Variants in AGAP1 observed in about 807,000 individuals in gnomAD.
The protein encoded by AGAP1 is arf-GAP with GTPase, ANK repeat and PH domain-containing protein 1.
AGAP1 carries 29 observed loss-of-function variants against 105.3 expected under a neutral mutation model. The observed-to-expected ratio is 0.28, with a 90% CI of 0.21 to 0.38. AGAP1 has a LOEUF of 0.38. Ranked by LOEUF, AGAP1 falls within the 10% of genes least tolerant of loss-of-function variation. The probability of loss-of-function intolerance (pLI) is 1.00; values close to 1 mark genes in which losing one functional copy is unlikely to be tolerated. For missense variants in AGAP1, 998 were observed against 1,165.1 expected (o/e 0.86, Z 2.09); for synonymous variants, 509 against 485.9 (o/e 1.05, Z -0.63).
At chr2:236,112,598 T>C (rs1169269868) in intron 16 of AGAP1, among the ~76,000 whole-genome samples, 1 of 152,314 alleles carries the variant, frequency 6.6e-6, no homozygotes, top group East Asian at 1.9e-4. Flanking sequence ...CAGCACCTGC[T>C]TTCTGTTCAC....
chr2:235,917,462 C>A (rs573314024), intron 11 of AGAP1, among the ~76,000 whole-genome samples: 2 of 152,272 alleles, frequency 1.3e-5, no homozygotes, highest in South Asian at 2.1e-4. Context: ...TCTCCTCTTT[C>A]TCTCTCGTCC....
intron 13 of AGAP1, among the ~76,000 whole-genome samples, chr2:236,024,744 A>G (rs1178983627): frequency 1.3e-5 from 2 of 152,222 alleles, no homozygotes; most frequent in Non-Finnish European, 2.9e-5. Flanking sequence ...AGGAGGCAAA[A>G]TTAGCCCCAT....
intron 8 of AGAP1, among the ~76,000 whole-genome samples, chr2:235,802,669 TGTG>T (rs1485620373): frequency 4.3e-4 from 55 of 128,014 alleles, no homozygotes; most frequent in African/African-American, 1.3e-3. Flanking sequence ...TGGTTGTGGT[TGTG>T]GTGATGATGG....
In AGAP1 at chr2:235,733,371, G is replaced by C. The variant is rs1952060339; in HGVS notation, c.311-7592G>C. Among the ~76,000 whole-genome samples, 1 of 152,196 alleles carries C rather than the reference G, an allele frequency of 6.6e-6. No homozygotes were observed. The highest frequency in any genetic ancestry group is 2.4e-5 in the African/African-American group (1 of 41,454). ...GCGCACTTTGGGGTGAAGTGATGGG[G>C]TGTTGTTGGCTCAGGTTGTAGGAGA... On this transcript the variant is annotated intron_variant, in intron 3 of 17. Transcript: ENST00000304032. This position sits in a 1 kb window ranked among gnomAD's most constrained non-coding sequence, Gnocchi z 5.0.
chr2:236,064,123 A>G (rs2058282007), intron 16 of AGAP1, among the ~76,000 whole-genome samples: 1 of 152,214 alleles, frequency 6.6e-6, no homozygotes, highest in Non-Finnish European at 1.5e-5. Flanking sequence ...CAGACAGGAA[A>G]AGTGACTTGC....
At chr2:236,098,782 A>T (rs1038920238) in intron 16 of AGAP1, among the ~76,000 whole-genome samples, 1 of 150,938 alleles carries the variant, frequency 6.6e-6, no homozygotes, top group Non-Finnish European at 1.5e-5. Flanking sequence ...GCACCACCAT[A>T]CCCAGCTAAT....
rs1269941791 is a variant in AGAP1, at chr2:235,957,417, G to A, written c.1484-11045G>A. Among the ~76,000 whole-genome samples, 5 of 151,828 alleles carry A rather than the reference G, an allele frequency of 3.3e-5. No homozygotes were observed. Among genetic ancestry groups the A allele is most frequent in the Non-Finnish European group, 5.9e-5 (4 of 67,980 alleles). On this transcript the variant is annotated intron_variant, in intron 12 of 17. Transcript: ENST00000304032. The surrounding 1 kb of genome is among the most constrained non-coding windows in gnomAD (Gnocchi z 4.6). ...TAACACTGTGTTGTCTTTTCCTTTCGCCAACACCTGTCATCTTCCTGGGCC... is the reference window on the plus strand; with the variant it reads ...TAACACTGTGTTGTCTTTTCCTTTCACCAACACCTGTCATCTTCCTGGGCC...
intron 1 of AGAP1, among the ~76,000 whole-genome samples, chr2:235,698,162 G>A (rs1950083331): frequency 6.6e-6 from 1 of 152,126 alleles, no homozygotes; most frequent in South Asian, 2.1e-4. Context: ...GGTTCACAGT[G>A]GAGCTTGCAC....
intron 1 of AGAP1, chr2:235,670,043 G>A (rs1948293478): frequency 5.4e-6 from 2 of 372,042 alleles, no homozygotes; most frequent in Non-Finnish European, 4.7e-6. Context: ...GCTTGGCCCG[G>A]CGCCCTCCCG....
intron 6 of AGAP1, among the ~76,000 whole-genome samples, chr2:235,770,890 T>A (rs1955391883): frequency 6.6e-6 from 1 of 152,204 alleles, no homozygotes; most frequent in South Asian, 2.1e-4. Context: ...TATTATATTT[T>A]GTGTCCAAAA....
rs149149224 is a variant in AGAP1 at position 236,054,322 on chromosome 2, G to T, written c.2114+5041G>T. Among the ~76,000 whole-genome samples, 102 of 152,214 alleles carry T rather than the reference G, an allele frequency of 6.7e-4. 1 individual carries two copies. Among genetic ancestry groups the T allele is most frequent in the African/African-American group, 2.4e-3 (98 of 41,528 alleles). Reference sequence around the variant, plus strand: ...GGGCTCAAATTTCTGGCATAAAGATGCACTGTTCCAAATGTGGCCTCAGGG... The same window carrying T: ...GGGCTCAAATTTCTGGCATAAAGATTCACTGTTCCAAATGTGGCCTCAGGG... On this transcript the variant is annotated intron_variant, in intron 16 of 17. Coordinates refer to ENST00000304032, the MANE Select transcript of AGAP1 (RefSeq NM_001037131.3).
At chr2:235,575,759 TTTTTC>T (rs1271964881) in intron 1 of AGAP1, among the ~76,000 whole-genome samples, 2 of 152,202 alleles carry the variant, frequency 1.3e-5, no homozygotes, top group African/African-American at 4.8e-5. Flanking sequence ...CTTTTCAGCT[TTTTTC>T]TTTTCAAGTA....
At chr2:235,657,742 A>G (rs575195654) in intron 1 of AGAP1, among the ~76,000 whole-genome samples, 20 of 152,314 alleles carry the variant, frequency 1.3e-4, no homozygotes, top group Admixed American at 3.3e-4. Context: ...TGTGCCTCCC[A>G]GAATGTGTGT....
chr2:235,936,510 G>A lies in AGAP1; in HGVS notation c.1483+5587G>A, dbSNP rs1156298761. On this transcript the variant is annotated intron_variant, in intron 12 of 17. Transcript: ENST00000304032. This position sits in a 1 kb window ranked among gnomAD's most constrained non-coding sequence, Gnocchi z 4.7. ...GGTTCGAAACATGAGTTTCAGCTTC[G>A]GAAGCTGTCTGTCCCACACTTACTT... Among the ~76,000 whole-genome samples the A allele has an allele frequency of 2.0e-5, 3 of 152,196 alleles. No homozygotes were observed. The highest frequency in any genetic ancestry group is 2.1e-4 in the South Asian group (1 of 4,826).
At chr2:235,873,077 C>A (rs937840083) in intron 9 of AGAP1, among the ~76,000 whole-genome samples, 25 of 152,212 alleles carry the variant, frequency 1.6e-4, no homozygotes, top group African/African-American at 5.5e-4. Context: ...GACCTATGGA[C>A]CCCTGTCCCC....
chr2:236,008,678 A>G (rs2125550419), intron 13 of AGAP1, among the ~76,000 whole-genome samples: 1 of 152,070 alleles, frequency 6.6e-6, no homozygotes, highest in East Asian at 1.9e-4. Context: ...CTTCGTTTTT[A>G]TTTTCCCGGG....
rs1388730837 is a variant in AGAP1, at chr2:235,494,516, C to G, written c.-171C>G. 1 of 144,618 alleles carries G rather than the reference C, an allele frequency of 6.9e-6. No homozygotes were observed. The highest frequency in any genetic ancestry group is 2.5e-5 in the African/African-American group (1 of 39,924). 9.0% of individuals were successfully genotyped at this position (144,618 alleles called of 1,614,324 possible). On this transcript the variant is annotated 5_prime_UTR_variant, in exon 1 of 18. Transcript: ENST00000304032. ...CCCGGCCATGAACTGAGCCCGCGGG[C>G]CAGCCCCGCGCCTGCTCCGCCCGCG...
chr2:235,818,721 GCA>G (rs755635017), intron 9 of AGAP1, among the ~76,000 whole-genome samples: 3 of 152,212 alleles, frequency 2.0e-5, no homozygotes, highest in Non-Finnish European at 2.9e-5. Context: ...GGGATTACAG[GCA>G]CATGCCACCA....
rs1406981876 is a variant in AGAP1, at chr2:235,959,673, C to T, written c.1484-8789C>T. Among the ~76,000 whole-genome samples, 1 of 152,146 alleles carries T rather than the reference C, an allele frequency of 6.6e-6. No individual in the cohort carries two copies. Among genetic ancestry groups the T allele is most frequent in the Non-Finnish European group, 1.5e-5 (1 of 68,032 alleles). ...CCTCAATTCACATCCTAATTCACCC[C>T]GCCATCACCTTCTCAGCACCATGAT... On this transcript the variant is annotated intron_variant, in intron 12 of 17. Transcript: ENST00000304032. The surrounding 1 kb of genome is among the most constrained non-coding windows in gnomAD (Gnocchi z 7.3).
Sources: allele counts gnomAD v4.1 joint callset (sites outside exome capture counted in the v4.1 genomes callset), GRCh38; gene constraint gnomAD v4.1.1; non-coding constraint Gnocchi (gnomAD v3.1); transcripts MANE v1.5; gene names NCBI Gene and HGNC (gene_info 2026-07-23, HGNC 2026-07-21).